The following CNTLN variants were observed in gnomAD, a reference collection of about 807,000 sequenced individuals.
The protein encoded by CNTLN is centlein, also known as centlein, centrosomal protein.
In CNTLN, 212 loss-of-function variants were observed where a neutral mutation model predicts 180.0. That is an observed-to-expected ratio of 1.18 (90% confidence interval 1.05 to 1.32). The LOEUF is 1.32. CNTLN is among the 40% of genes most tolerant of loss of function. The probability of loss-of-function intolerance (pLI) is 0.00; values close to 1 mark genes in which losing one functional copy is unlikely to be tolerated. For missense variants in CNTLN, 2,095 were observed against 1,610.9 expected (o/e 1.30, Z -5.14); for synonymous variants, 722 against 563.1 (o/e 1.28, Z -3.99).
rs1819722134 is a variant in CNTLN, at chr9:17,162,111, A to G, written c.449+18735A>G. Among the ~76,000 whole-genome samples, 7 of 151,004 alleles carry G rather than the reference A, an allele frequency of 4.6e-5. 1 individual carries two copies. The South Asian group carries it at 1.5e-3, about 32-fold the overall frequency. ...AAAGCTTTGATACTTGTCTTTCTTTATTTCTTTTTTCTTTTTTTTTTGAGA... is the reference window on the plus strand; with the variant it reads ...AAAGCTTTGATACTTGTCTTTCTTTGTTTCTTTTTTCTTTTTTTTTTGAGA... On this transcript the variant is annotated intron_variant, in intron 2 of 25. Transcript: ENST00000380647.
chr9:17,455,774 G>C (rs1014870050), intron 18 of CNTLN, among the ~76,000 whole-genome samples: 2 of 149,004 alleles, frequency 1.3e-5, no homozygotes, highest in Non-Finnish European at 1.5e-5. Flanking sequence ...TGGCAGGCAG[G>C]TTTGGGGAAT....
chr9:17,295,592 G>C (rs1817836293), intron 6 of CNTLN, among the ~76,000 whole-genome samples: 2 of 152,230 alleles, frequency 1.3e-5, no homozygotes, highest in Admixed American at 1.3e-4. Flanking sequence ...TGTTCTTCTT[G>C]GTGGGGGGCC....
chr9:17,416,889 A>G (rs112632227), intron 18 of CNTLN, among the ~76,000 whole-genome samples: 1,854 of 150,704 alleles, frequency 0.012, 41 homozygotes, highest in African/African-American at 0.044. Context: ...AATTTATTTC[A>G]TTATATTAGA....
At chr9:17,467,365 G>A (rs1379925124) in intron 23 of CNTLN, among the ~76,000 whole-genome samples, 1 of 151,504 alleles carries the variant, frequency 6.6e-6, no homozygotes, top group Non-Finnish European at 1.5e-5. Context: ...TATCTGCAGA[G>A]GTGTACCATC....
intron 18 of CNTLN, among the ~76,000 whole-genome samples, chr9:17,453,720 T>A (rs1338462172): frequency 6.6e-6 from 1 of 152,166 alleles, no homozygotes; most frequent in Non-Finnish European, 1.5e-5. Context: ...TACTTGTGGG[T>A]ATAGGACTGA....
chr9:17,166,878 G>A (rs190366799), intron 2 of CNTLN: 126 of 458,804 alleles, frequency 2.7e-4, no homozygotes, highest in Admixed American at 1.2e-3. Context: ...ATAAAAAGTT[G>A]GGATTGAGAA....
chr9:17,372,437 G>C (rs1824402622), intron 13 of CNTLN, among the ~76,000 whole-genome samples: 2 of 152,022 alleles, frequency 1.3e-5, no homozygotes, highest in Non-Finnish European at 2.9e-5. Context: ...AAGAAATCCA[G>C]AGCCTCAACG....
intron 10 of CNTLN, among the ~76,000 whole-genome samples, chr9:17,338,145 C>A (rs925181326): frequency 2.1e-5 from 3 of 146,336 alleles, no homozygotes; most frequent in Non-Finnish European, 3.0e-5. Context: ...TCCTTCCTTC[C>A]TTCTTCTTTC....
intron 2 of CNTLN, among the ~76,000 whole-genome samples, chr9:17,207,830 C>A (rs1313509583): frequency 6.6e-6 from 1 of 152,138 alleles, no homozygotes; most frequent in East Asian, 1.9e-4. Flanking sequence ...TATCATGCAA[C>A]TTTACTGAAT....
intron 6 of CNTLN, among the ~76,000 whole-genome samples, chr9:17,276,944 T>C (rs1383276191): frequency 6.6e-6 from 1 of 152,094 alleles, no homozygotes; most frequent in South Asian, 2.1e-4. Flanking sequence ...TCCAACTCTA[T>C]GCATATATAA....
chr9:17,254,934 A>C (rs774304785), intron 5 of CNTLN, among the ~76,000 whole-genome samples: 3 of 151,660 alleles, frequency 2.0e-5, no homozygotes, highest in African/African-American at 7.2e-5. Flanking sequence ...ATGTCTTTCC[A>C]TTTATTTGTG....
At chr9:17,376,607 T>G (rs1292978222) in intron 13 of CNTLN, among the ~76,000 whole-genome samples, 1 of 151,828 alleles carries the variant, frequency 6.6e-6, no homozygotes, top group Non-Finnish European at 1.5e-5. Flanking sequence ...GCCCACCACC[T>G]TGCCCGGCTA....
intron 18 of CNTLN, among the ~76,000 whole-genome samples, chr9:17,435,244 C>G (rs1191829280): frequency 6.6e-6 from 1 of 152,060 alleles, no homozygotes; most frequent in East Asian, 1.9e-4. Flanking sequence ...TTGTTTGTTT[C>G]TAAGAGATAT....
chr9:17,473,670 C>T (rs1832162760), intron 23 of CNTLN, among the ~76,000 whole-genome samples: 1 of 152,058 alleles, frequency 6.6e-6, no homozygotes, highest in Middle Eastern at 3.4e-3. Context: ...CATTTTTCTC[C>T]TCTTTTATGT....
chr9:17,268,777 A>T (rs536461564), intron 5 of CNTLN, among the ~76,000 whole-genome samples: 1 of 151,466 alleles, frequency 6.6e-6, no homozygotes, highest in African/African-American at 2.4e-5. Context: ...GCCACCTTGC[A>T]GTTTGGTCTC....
At chr9:17,409,801 T>G (rs1342904352) in intron 16 of CNTLN, among the ~76,000 whole-genome samples, 2 of 152,144 alleles carry the variant, frequency 1.3e-5, no homozygotes, top group Non-Finnish European at 2.9e-5. Flanking sequence ...GTCTTTGCAA[T>G]GATAAAGTCA....
intron 2 of CNTLN, among the ~76,000 whole-genome samples, chr9:17,203,255 G>C (rs1331347676): frequency 6.6e-6 from 1 of 152,022 alleles, no homozygotes; most frequent in African/African-American, 2.4e-5. Context: ...CTTTCTCTCC[G>C]GCTGCACTTA....
chr9:17,462,238 G>A (rs752618296), intron 19 of CNTLN, among the ~76,000 whole-genome samples: 7 of 151,648 alleles, frequency 4.6e-5, no homozygotes, highest in Non-Finnish European at 7.4e-5. Context: ...GATTTCCCTA[G>A]TTGGAAGATA....
chr9:17,242,522 G>T (rs1825556717), intron 5 of CNTLN, among the ~76,000 whole-genome samples: 1 of 152,094 alleles, frequency 6.6e-6, no homozygotes, highest in Non-Finnish European at 1.5e-5. Flanking sequence ...TGTTGGCCAG[G>T]CTGGTCTCGA....
Sources: gnomAD v4.1 joint callset for allele counts (sites outside exome capture counted in the v4.1 genomes callset) on GRCh38, gnomAD v4.1.1 for gene constraint, MANE v1.5 for transcripts, NCBI Gene and HGNC (gene_info 2026-07-23, HGNC 2026-07-21) for gene names.